Variants in KIF3A observed in about 807,000 individuals in gnomAD.
KIF3A encodes kinesin family member 3A, also known as kinesin-like protein KIF3A.
In KIF3A, 27 loss-of-function variants were observed where a neutral mutation model predicts 92.6. The observed-to-expected ratio is 0.29, with a 90% CI of 0.21 to 0.40. The LOEUF (loss-of-function observed/expected upper bound fraction) is 0.40. KIF3A is among the 10% of genes least tolerant of loss of function. The probability of loss-of-function intolerance (pLI) is 1.00; values close to 1 mark genes in which losing one functional copy is unlikely to be tolerated. For synonymous variants in KIF3A, 250 were observed against 275.4 expected, an observed-to-expected ratio of 0.91 and a Z score of 0.92; for missense variants, 581 against 872.6, an observed-to-expected ratio of 0.67 and a Z score of 4.21.
At chr5:132,700,430 G>C in intron 16 of KIF3A, 146 bp from the exon 17 acceptor site, 1 of 658,518 alleles carries the variant, frequency 1.5e-6, no homozygotes, top group Non-Finnish European at 2.7e-6. Flanking sequence ...AGGTCACTTA[G>C]TCCCACATAG....
At chr5:132,717,023 A>C in intron 5 of KIF3A, 39 bp from the exon 6 acceptor site, 1 of 1,590,176 alleles carries the variant, frequency 6.3e-7, no homozygotes, top group Non-Finnish European at 8.6e-7. Flanking sequence ...AGTGTAACAG[A>C]GAGTGCCTTT....
chr5:132,727,008 T>C (rs1473460915), intron 2 of KIF3A, among the ~76,000 whole-genome samples: 1 of 152,174 alleles, frequency 6.6e-6, no homozygotes, highest in Non-Finnish European at 1.5e-5. Flanking sequence ...AATGAGACAA[T>C]TTCCTTCAAG....
intron 8 of KIF3A, among the ~76,000 whole-genome samples, chr5:132,712,984 C>G (rs1281390301): frequency 6.6e-6 from 1 of 152,052 alleles, no homozygotes; most frequent in Non-Finnish European, 1.5e-5. Flanking sequence ...ATGGTGAAAC[C>G]CTGTCTCTAC....
downstream of KIF3A, among the ~76,000 whole-genome samples, chr5:132,691,115 T>A (rs957954529): frequency 1.2e-4 from 18 of 152,202 alleles, no homozygotes; most frequent in African/African-American, 3.9e-4. Flanking sequence ...AGCTTCTGAA[T>A]GAGATCATGG....
chr5:132,737,162 G>A lies in KIF3A; in HGVS notation c.6+252C>T, dbSNP rs374943095. On this transcript the variant is annotated intron_variant, in intron 1 of 18. Transcript: ENST00000403231. ...CAGCACAGCGCCTTTTTGATAAGCG[G>A]CGCAGGCCCCACGGGATGCAGCAGC... 9.2e-5 allele frequency among the ~76,000 whole-genome samples: 14 copies of A among 152,230 alleles called. No homozygotes were observed. The East Asian group carries it at 1.3e-3, about 15-fold the overall frequency.
intron 5 of KIF3A, among the ~76,000 whole-genome samples, chr5:132,719,678 G>A (rs1288720711): frequency 1.3e-5 from 2 of 151,876 alleles, no homozygotes; most frequent in East Asian, 3.9e-4. Flanking sequence ...TTTTAGTAGA[G>A]ACGGGGTTTC....
chr5:132,696,387 T>C lies in KIF3A; in HGVS notation c.*247A>G, dbSNP rs1752838058. 3 of 412,732 alleles carry C rather than the reference T, an allele frequency of 7.3e-6. No individual in the cohort carries two copies. The highest frequency in any genetic ancestry group is 1.3e-5 in the Non-Finnish European group (3 of 228,014). 25.6% of individuals were successfully genotyped at this position (412,732 alleles called of 1,614,324 possible). ...TATAGTATGAACTGTTCCCCCAACT[T>C]CCCTGCACAGTACAATTGAAGAGTA... On this transcript the variant is annotated 3_prime_UTR_variant, in exon 19 of 19. Coordinates refer to ENST00000403231, the MANE Select transcript of KIF3A (RefSeq NM_001300791.2).
rs1004506795 is a variant in KIF3A at position 132,737,484 on chromosome 5, G to A, written c.-65C>T. 1.3e-5 allele frequency: 21 copies of A among 1,580,022 alleles called. 1 individual carries two copies. The highest frequency in any genetic ancestry group is 1.8e-5 in the Non-Finnish European group (21 of 1,161,712). On this transcript the variant is annotated 5_prime_UTR_variant, in exon 1 of 19. Coordinates refer to ENST00000403231, the MANE Select transcript of KIF3A (RefSeq NM_001300791.2). ...GGTGCAGCCCAGCGACACCGGGTGC[G>A]CAGAAAGGATGGCCAGAGACTACCG...
At chr5:132,725,999 C>A in intron 4 of KIF3A, 129 bp downstream of exon 4, 1 of 585,608 alleles carries the variant, frequency 1.7e-6, no homozygotes, top group South Asian at 2.8e-5. Context: ...AGATGTACGA[C>A]ATTATATATG....
intron 6 of KIF3A, 34 bp from the exon 7 acceptor site, chr5:132,716,476 AT>A (rs1001472945): frequency 1.9e-6 from 3 of 1,546,214 alleles, no homozygotes; most frequent in African/African-American, 1.4e-5. Context: ...TAAAGCTAAA[AT>A]TTTTTTAAAA....
intron 6 of KIF3A, 149 bp downstream of exon 6, chr5:132,716,696 G>A (rs1490808958): frequency 4.3e-6 from 4 of 925,270 alleles, no homozygotes; most frequent in African/African-American, 1.7e-5. Flanking sequence ...ATATACATTT[G>A]AAATGTTCCA....
chr5:132,692,009 G>T (rs1431435570), downstream of KIF3A, among the ~76,000 whole-genome samples: 2 of 150,246 alleles, frequency 1.3e-5, no homozygotes, highest in Non-Finnish European at 3.0e-5. Context: ...TTTCTCCAAA[G>T]AATCAAACTA....
At chr5:132,731,786 C>T (rs778431976) in intron 2 of KIF3A, among the ~76,000 whole-genome samples, 2 of 151,866 alleles carry the variant, frequency 1.3e-5, no homozygotes, top group Non-Finnish European at 2.9e-5. Context: ...TCTTGGTTCA[C>T]TGCAACCTCC....
At chr5:132,723,995 G>C (rs1290567822) in intron 4 of KIF3A, among the ~76,000 whole-genome samples, 1 of 152,148 alleles carries the variant, frequency 6.6e-6, no homozygotes, top group African/African-American at 2.4e-5. Context: ...TGAAGGATAT[G>C]AACAGACACT....
intron 10 of KIF3A, among the ~76,000 whole-genome samples, chr5:132,707,261 C>T (rs1196565567): frequency 6.6e-6 from 1 of 151,726 alleles, no homozygotes; most frequent in Non-Finnish European, 1.5e-5. Context: ...GAGTCACTGC[C>T]AATTAAGGAC....
chr5:132,713,664 G>C (rs924890339), intron 8 of KIF3A, among the ~76,000 whole-genome samples: 1 of 152,082 alleles, frequency 6.6e-6, no homozygotes, highest in African/African-American at 2.4e-5. Flanking sequence ...ACAGGTATTA[G>C]TATACCCACG....
chr5:132,727,212 T>C (rs1227739710), intron 2 of KIF3A, among the ~76,000 whole-genome samples: 1 of 152,244 alleles, frequency 6.6e-6, no homozygotes, highest in Admixed American at 6.5e-5. Context: ...AATTCATTCA[T>C]TCAACAAACA....
chr5:132,703,453 T>G lies in KIF3A; in HGVS notation c.1466+10A>C. The G allele has an allele frequency of 6.3e-7, 1 of 1,591,238 alleles. No homozygotes were observed. The highest frequency in any genetic ancestry group is 1.4e-5 in the African/African-American group (1 of 74,052). On this transcript the variant is annotated intron_variant, in intron 12 of 18. Transcript: ENST00000403231. ...AAATCATGAATTCATCTCAATTCAA[T>G]AATACTCACTGGGCTTTAAGAAGAT...
chr5:132,702,968 T>G lies in KIF3A; in HGVS notation c.1564A>C (p.Lys522Gln), dbSNP rs1484314582. 1.2e-6 allele frequency: 2 copies of G among 1,612,964 alleles called. No homozygotes were observed. Among genetic ancestry groups the G allele is most frequent in the East Asian group, 4.5e-5 (2 of 44,852 alleles). ...DLLAKAEEQE[K>Q]LLEESNMELE... is the part of the protein sequence containing the mutation. ...TCCATGTTAGATTCTTCAAGAAGTTTCTCTTGTTCCTCAGCTTTGGCCAAC... is the reference window on the plus strand; with the variant it reads ...TCCATGTTAGATTCTTCAAGAAGTTGCTCTTGTTCCTCAGCTTTGGCCAAC... Residue 522 changes from lysine (K) to glutamine (Q), a missense_variant, in exon 13 of 19, where the codon AAA becomes CAA. By Grantham distance (53) the Lys-to-Gln change is moderately conservative. Transcript: ENST00000403231.
Sources: allele counts gnomAD v4.1 joint callset (sites outside exome capture counted in the v4.1 genomes callset), GRCh38; gene constraint gnomAD v4.1.1; transcripts MANE v1.5; gene names NCBI Gene and HGNC (gene_info 2026-07-23, HGNC 2026-07-21).